The following EVI5 variants were observed in gnomAD, a reference collection of about 807,000 sequenced individuals.
EVI5 encodes ecotropic viral integration site 5.
In EVI5, 73 loss-of-function variants were observed where a neutral mutation model predicts 112.0. The ratio of observed to expected loss-of-function variants is 0.65; its 90% CI spans 0.54 to 0.79. EVI5 has a LOEUF of 0.79. EVI5 is among the 30% of genes least tolerant of loss of function. EVI5 has a pLI of 0.00. For missense variants in EVI5, 900 were observed against 968.8 expected (o/e 0.93, Z 0.94); for synonymous variants, 305 against 319.9 (o/e 0.95, Z 0.50).
At chr1:92,531,744 A>G (rs1361786452) in intron 19 of EVI5, among the ~76,000 whole-genome samples, 1 of 152,202 alleles carries the variant, frequency 6.6e-6, no homozygotes, top group Non-Finnish European at 1.5e-5. Flanking sequence ...ATGGTGAGAC[A>G]TTTTGTCACC....
At chr1:92,737,621 C>A (rs11164801) in intron 1 of EVI5, among the ~76,000 whole-genome samples, 51,337 of 150,892 alleles carry the variant, frequency 0.34, 10,513 homozygotes, top group African/African-American at 0.57. Flanking sequence ...TGTACACACA[C>A]AAAAAAAAAT....
At chr1:92,515,888 C>T (rs1158798498) in intron 19 of EVI5, among the ~76,000 whole-genome samples, 1 of 152,162 alleles carries the variant, frequency 6.6e-6, no homozygotes, top group Non-Finnish European at 1.5e-5. Context: ...ACAATGATGT[C>T]TGGCCCAAGC....
chr1:92,569,872 A>G (rs1172359060), intron 18 of EVI5, among the ~76,000 whole-genome samples: 2 of 150,562 alleles, frequency 1.3e-5, no homozygotes, highest in East Asian at 1.9e-4. Context: ...AAAAAAAAAA[A>G]AAAAAGAAAT....
At chr1:92,723,974 CAGCCT>C (rs1675158543) in intron 2 of EVI5, among the ~76,000 whole-genome samples, 1 of 152,098 alleles carries the variant, frequency 6.6e-6, no homozygotes, top group Non-Finnish European at 1.5e-5. Flanking sequence ...TGGGAAATTC[CAGCCT>C]GTTAAATTCT....
chr1:92,645,017 C>A (rs1453035403), intron 13 of EVI5, among the ~76,000 whole-genome samples: 1 of 152,128 alleles, frequency 6.6e-6, no homozygotes, highest in Non-Finnish European at 1.5e-5. Flanking sequence ...AAATATCTAT[C>A]AGGGCAGGTT....
chr1:92,711,336 T>C (rs1299316458), intron 2 of EVI5, among the ~76,000 whole-genome samples: 1 of 152,190 alleles, frequency 6.6e-6, no homozygotes, highest in Non-Finnish European at 1.5e-5. Flanking sequence ...GAGTATCCTA[T>C]TGTACTCAGC....
chr1:92,750,172 G>C (rs1041174800), intron 1 of EVI5, among the ~76,000 whole-genome samples: 1 of 151,960 alleles, frequency 6.6e-6, no homozygotes, highest in Non-Finnish European at 1.5e-5. Context: ...GGAACTTATA[G>C]AAATAAAAAA....
intron 9 of EVI5, among the ~76,000 whole-genome samples, chr1:92,678,821 A>T (rs1292164174): frequency 6.6e-6 from 1 of 152,224 alleles, no homozygotes; most frequent in Non-Finnish European, 1.5e-5. Flanking sequence ...AAAGGACAGA[A>T]ATCTATTACT....
intron 11 of EVI5, among the ~76,000 whole-genome samples, chr1:92,664,060 T>G (rs1368350911): frequency 6.6e-6 from 1 of 152,190 alleles, no homozygotes; most frequent in Non-Finnish European, 1.5e-5. Context: ...ATATTTCCTC[T>G]TCCTCTTTTG....
intron 9 of EVI5, among the ~76,000 whole-genome samples, chr1:92,691,878 G>A (rs911339347): frequency 6.6e-6 from 1 of 152,214 alleles, no homozygotes; most frequent in Non-Finnish European, 1.5e-5. Flanking sequence ...AATCTGGTGA[G>A]AGTTACATAT....
At chr1:92,675,198 G>C (rs1411542290) in intron 10 of EVI5, among the ~76,000 whole-genome samples, 1 of 152,140 alleles carries the variant, frequency 6.6e-6, no homozygotes, top group African/African-American at 2.4e-5. Flanking sequence ...CAAAAAATTA[G>C]CCAGGCATGG....
At chr1:92,787,565 TTACAAAAAAAAAA>T (rs753948227), upstream of EVI5, among the ~76,000 whole-genome samples, 3 of 26,032 alleles carry the variant, frequency 1.2e-4, no homozygotes, top group South Asian at 3.2e-3. Context: ...AACCCTATCT[TTACAAAAAAAAAA>T]TACAAAAAAA....
chr1:92,606,580 C>T (rs770877237), intron 17 of EVI5, among the ~76,000 whole-genome samples: 1 of 152,130 alleles, frequency 6.6e-6, no homozygotes, highest in Non-Finnish European at 1.5e-5. Context: ...TGTCAGTATA[C>T]ATTGTAACAG....
intron 2 of EVI5, chr1:92,714,197 A>T (rs1469892004): frequency 1.1e-6 from 1 of 906,186 alleles, no homozygotes; most frequent in African/African-American, 1.8e-5. Flanking sequence ...ACTTATTTTT[A>T]AAAAGTAATA....
chr1:92,589,403 A>G (rs1673366791), intron 18 of EVI5, among the ~76,000 whole-genome samples: 1 of 152,134 alleles, frequency 6.6e-6, no homozygotes. Flanking sequence ...TGGAAAATCA[A>G]GTCACTCCCA....
At chr1:92,743,400 C>G (rs1678744077) in intron 1 of EVI5, among the ~76,000 whole-genome samples, 1 of 151,982 alleles carries the variant, frequency 6.6e-6, no homozygotes, top group East Asian at 1.9e-4. Flanking sequence ...TGAACACACC[C>G]TGAGGACATT....
intron 2 of EVI5, among the ~76,000 whole-genome samples, chr1:92,731,560 T>G (rs1411669952): frequency 6.6e-6 from 1 of 152,118 alleles, no homozygotes; most frequent in East Asian, 1.9e-4. Context: ...AACTTGATTG[T>G]AAAATTCATT....
rs149879471 is a variant in EVI5 at position 92,671,269 on chromosome 1, G to C, written c.1159-5277C>G. On this transcript the variant is annotated intron_variant, in intron 10 of 19. Transcript: ENST00000684568. The stretch of plus-strand genomic sequence containing the variant: ...ATCCTCATTTCACAAAAACTCTTCA[G>C]TATTTGACATGGTAAATCCTTCTCT... Among the ~76,000 whole-genome samples, 20 of 152,222 alleles carry C rather than the reference G, an allele frequency of 1.3e-4. No individual in the cohort carries two copies. In the East Asian group the frequency reaches 3.9e-3, roughly 29 times the overall value.
chr1:92,632,933 C>G (rs1657534481), intron 14 of EVI5, among the ~76,000 whole-genome samples: 1 of 152,024 alleles, frequency 6.6e-6, no homozygotes, highest in Admixed American at 6.6e-5. Flanking sequence ...TGTTATGTAC[C>G]CAGTAGTCAT....
Sources: allele counts gnomAD v4.1 joint callset (sites outside exome capture counted in the v4.1 genomes callset), GRCh38; gene constraint gnomAD v4.1.1; transcripts MANE v1.5; gene names NCBI Gene and HGNC (gene_info 2026-07-23, HGNC 2026-07-21).